The following RIMBP2 variants were observed in gnomAD, a reference collection of about 807,000 sequenced individuals.
RIMBP2 encodes RIMS-binding protein 2.
Under a neutral mutation model 118.6 loss-of-function variants are expected in RIMBP2, and 48 were observed. The observed-to-expected ratio is 0.40, with a 90% confidence interval of 0.32 to 0.51. RIMBP2 has a LOEUF of 0.51. RIMBP2 is among the 20% of genes least tolerant of loss of function. The pLI, the probability that RIMBP2 is intolerant of heterozygous loss-of-function variation, is 0.41. For synonymous variants in RIMBP2, 762 were observed against 742.9 expected (o/e 1.03, Z -0.42); for missense variants, 1,551 against 1,768.3 (o/e 0.88, Z 2.20).
intron 2 of RIMBP2, among the ~76,000 whole-genome samples, chr12:130,615,590 G>A (rs973363209): frequency 3.3e-5 from 5 of 151,940 alleles, no homozygotes; most frequent in African/African-American, 1.2e-4. Context: ...GGGATTATAG[G>A]TGTGAGCCAC....
intron 1 of RIMBP2, among the ~76,000 whole-genome samples, chr12:130,634,463 A>G (rs368571589): frequency 2.6e-5 from 4 of 152,302 alleles, no homozygotes; most frequent in African/African-American, 9.6e-5. Flanking sequence ...AGGCAGGTTA[A>G]CAATCACACC....
chr12:130,438,335 A>AACCAAC, intron 12 of RIMBP2, 30 bp downstream of exon 12: 6 of 865,000 alleles, frequency 6.9e-6, no homozygotes, highest in Non-Finnish European at 1.1e-5. Flanking sequence ...GGCCTAACAA[A>AACCAAC]CCCTCCCCAC....
At chr12:130,635,695 T>A (rs932740062) in intron 1 of RIMBP2, among the ~76,000 whole-genome samples, 4 of 152,134 alleles carry the variant, frequency 2.6e-5, no homozygotes, top group African/African-American at 9.7e-5. Context: ...CAATGCTATC[T>A]CATTGTGGCA....
chr12:130,678,741 C>T (rs1427050841), intron 1 of RIMBP2, among the ~76,000 whole-genome samples: 1 of 152,228 alleles, frequency 6.6e-6, no homozygotes, highest in Admixed American at 6.5e-5. Context: ...TGGTCTCGAA[C>T]TCCTGACCTC....
rs958109280 is a variant in RIMBP2, at chr12:130,581,159, G to A, written c.-217+47163C>T. On this transcript the variant is annotated intron_variant, in intron 2 of 22. Coordinates refer to ENST00000690449, the MANE Select transcript of RIMBP2 (RefSeq NM_001393629.1). The surrounding 1 kb of genome is among the most constrained non-coding windows in gnomAD (Gnocchi z 4.4). ...ACAGGCAGGTCCTGGACAGAGCAGT[G>A]TGTTTGTCACATACAAAAGAGACTA... Among the ~76,000 whole-genome samples the A allele has an allele frequency of 3.3e-5, 5 of 152,154 alleles. No individual in the cohort carries two copies. The highest frequency in any genetic ancestry group is 9.7e-5 in the African/African-American group (4 of 41,448).
At position 130,683,411 on chromosome 12, in the gene RIMBP2, G is replaced by A. The variant is rs2064893527; in HGVS notation, c.-352+32811C>T. 6.6e-6 allele frequency among the ~76,000 whole-genome samples: 1 copy of A among 152,170 alleles called. No homozygotes were observed. The highest frequency in any genetic ancestry group is 1.5e-5 in the Non-Finnish European group (1 of 68,036). Reference sequence around the variant, plus strand: ...GAGAGGATGCATTCAGGTTGTAAAGGCCCCCAGCTCTGATCACTGGCAATG... The same window carrying A: ...GAGAGGATGCATTCAGGTTGTAAAGACCCCCAGCTCTGATCACTGGCAATG... On this transcript the variant is annotated intron_variant, in intron 1 of 22. Coordinates refer to ENST00000690449, the MANE Select transcript of RIMBP2 (RefSeq NM_001393629.1). This position sits in a 1 kb window ranked among gnomAD's most constrained non-coding sequence, Gnocchi z 4.4.
At chr12:130,472,036 G>A (rs932353258) in intron 5 of RIMBP2, 3 of 152,452 alleles carry the variant, frequency 2.0e-5, no homozygotes, top group Non-Finnish European at 2.9e-5. Flanking sequence ...GGAGGGTCAG[G>A]GCTGGAGTGG....
intron 1 of RIMBP2, among the ~76,000 whole-genome samples, chr12:130,712,885 C>T (rs1186254948): frequency 6.6e-6 from 1 of 152,046 alleles, no homozygotes; most frequent in Admixed American, 6.6e-5. Context: ...TCTAATCGCA[C>T]AGCCACCGCA....
chr12:130,457,326 G>A (rs1481684287), intron 6 of RIMBP2, among the ~76,000 whole-genome samples: 1 of 152,190 alleles, frequency 6.6e-6, no homozygotes, highest in South Asian at 2.1e-4. Context: ...GCCACGTCGG[G>A]AGCCCTGGGG....
At chr12:130,498,143 C>T (rs11060950) in intron 4 of RIMBP2, among the ~76,000 whole-genome samples, 1 of 119,362 alleles carries the variant, frequency 8.4e-6, no homozygotes, top group Non-Finnish European at 1.9e-5. Flanking sequence ...CTCCGGCTGC[C>T]CCGTCATTCT....
In RIMBP2 at chr12:130,578,763, C is replaced by T. The variant is rs1019254580; in HGVS notation, c.-217+49559G>A. 1.3e-5 allele frequency among the ~76,000 whole-genome samples: 2 copies of T among 152,220 alleles called. No individual in the cohort carries two copies. The highest frequency in any genetic ancestry group is 4.8e-5 in the African/African-American group (2 of 41,460). ...CTTGTGCCTTCCACTGCACGCTCCA[C>T]TATCTGAAGTCGCAGGTCCTCATCT... On this transcript the variant is annotated intron_variant, in intron 2 of 22. Transcript: ENST00000690449. This position sits in a 1 kb window ranked among gnomAD's most constrained non-coding sequence, Gnocchi z 4.1.
intron 1 of RIMBP2, among the ~76,000 whole-genome samples, chr12:130,713,231 A>AAGGAAGGAAGGAAGAT (rs1950071038): frequency 1.6e-4 from 23 of 140,368 alleles, no homozygotes; most frequent in Admixed American, 5.6e-4. Context: ...GGAAGGAAGG[A>AAGGAAGGAAGGAAGAT]AGGAAGGAAG....
chr12:130,675,619 G>A (rs1367210686), intron 1 of RIMBP2, among the ~76,000 whole-genome samples: 1 of 152,016 alleles, frequency 6.6e-6, no homozygotes, highest in Non-Finnish European at 1.5e-5. Context: ...AGAATCCTAG[G>A]TTTCCCCCGA....
intron 12 of RIMBP2, 29 bp downstream of exon 12, chr12:130,438,336 C>CGGGGGGG: frequency 2.4e-6 from 2 of 844,140 alleles, no homozygotes; most frequent in Non-Finnish European, 3.9e-6. Context: ...GCCTAACAAA[C>CGGGGGGG]CCTCCCCACC....
chr12:130,634,941 C>T (rs924698168), intron 1 of RIMBP2, among the ~76,000 whole-genome samples: 12 of 152,056 alleles, frequency 7.9e-5, no homozygotes, highest in African/African-American at 2.9e-4. Context: ...CCAGTAACAA[C>T]AGAGTCTCCA....
intron 4 of RIMBP2, among the ~76,000 whole-genome samples, chr12:130,497,325 G>A (rs912255585): frequency 2.0e-5 from 3 of 152,144 alleles, no homozygotes; most frequent in South Asian, 2.1e-4. Flanking sequence ...CCTGGGCTCC[G>A]TAATCACTGA....
chr12:130,416,597 G>A (rs2076113678), intron 17 of RIMBP2, among the ~76,000 whole-genome samples: 1 of 152,140 alleles, frequency 6.6e-6, no homozygotes, highest in Non-Finnish European at 1.5e-5. Flanking sequence ...AGATTTGAAC[G>A]TAAGACCTCA....
At chr12:130,546,054 C>T (rs534520800) in intron 2 of RIMBP2, among the ~76,000 whole-genome samples, 96 of 151,998 alleles carry the variant, frequency 6.3e-4, no homozygotes, top group African/African-American at 1.9e-3. Context: ...AGAGTCCTGT[C>T]CCCCTTTGGG....
intron 2 of RIMBP2, among the ~76,000 whole-genome samples, chr12:130,601,158 C>T (rs981295560): frequency 1.3e-5 from 2 of 152,042 alleles, no homozygotes; most frequent in African/African-American, 2.4e-5. Flanking sequence ...TGACAAGGCT[C>T]ATTCTCTGTG....
Sources: allele counts gnomAD v4.1 joint callset (sites outside exome capture counted in the v4.1 genomes callset), GRCh38; gene constraint gnomAD v4.1.1; non-coding constraint Gnocchi (gnomAD v3.1); transcripts MANE v1.5; gene names NCBI Gene and HGNC (gene_info 2026-07-23, HGNC 2026-07-21).